Variants in ZNF398 observed in about 807,000 individuals in gnomAD.
ZNF398 encodes the protein zinc finger DNA binding protein ZER6.
Under a neutral mutation model 41.9 loss-of-function variants are expected in ZNF398, and 18 were observed. The observed-to-expected ratio is 0.43, with a 90% CI of 0.30 to 0.64. The LOEUF (loss-of-function observed/expected upper bound fraction) is 0.64, where lower values mean the gene tolerates loss of function less well. ZNF398 is among the 30% of genes least tolerant of loss of function. ZNF398 has a pLI of 0.14. For synonymous variants in ZNF398, 260 were observed against 308.8 expected (o/e 0.84, Z 1.66); for missense variants, 669 against 822.8 (o/e 0.81, Z 2.29).
rs1202396383 is a variant in ZNF398, at chr7:149,154,195, T to TG, written c.277dup (p.Glu93GlyfsTer43). 1 of 1,614,054 alleles carries TG rather than the reference T, an allele frequency of 6.2e-7. No individual in the cohort carries two copies. Among genetic ancestry groups the TG allele is most frequent in the East Asian group, 2.2e-5 (1 of 44,896 alleles). On this transcript the variant is annotated frameshift_variant, in exon 2 of 6. Coordinates refer to ENST00000475153, the MANE Select transcript of ZNF398 (RefSeq NM_170686.3). LOFTEE classifies it high-confidence loss of function. Reference sequence around the variant, plus strand: ...ACAGTTACCGAGCTTGGGAACCAGCTGGAGGGCAAGTGGGCCGTGCTGGGA... The same window carrying TG: ...ACAGTTACCGAGCTTGGGAACCAGCTGGGAGGGCAAGTGGGCCGTGCTGGGA...
chr7:149,148,028 T>C (rs1827002175), intron 1 of ZNF398: 2 of 375,578 alleles, frequency 5.3e-6, no homozygotes, highest in Non-Finnish European at 9.4e-6. Context: ...GGCCCTGCAG[T>C]TGGGTTGAAG....
At chr7:149,151,864 G>GT (rs1827124990) in intron 1 of ZNF398, among the ~76,000 whole-genome samples, 1 of 149,264 alleles carries the variant, frequency 6.7e-6, no homozygotes, top group Non-Finnish European at 1.5e-5. Context: ...TTGGCTCACT[G>GT]TAACCTCTGC....
At chr7:149,159,444 G>A (rs189756360) in intron 2 of ZNF398, among the ~76,000 whole-genome samples, 99 of 151,656 alleles carry the variant, frequency 6.5e-4, no homozygotes, top group African/African-American at 2.1e-3. Context: ...TCAAGAGATC[G>A]AGACCATCTG....
At chr7:149,131,549 G>A (rs1303822557) in intron 2 of ZNF398, among the ~76,000 whole-genome samples, 2 of 152,138 alleles carry the variant, frequency 1.3e-5, no homozygotes, top group Non-Finnish European at 1.5e-5. Context: ...AGCTGGGTGT[G>A]GTGGCGGACG....
intron 2 of ZNF398, among the ~76,000 whole-genome samples, chr7:149,164,958 G>A (rs1261686606): frequency 6.6e-6 from 1 of 152,008 alleles, no homozygotes; most frequent in Admixed American, 6.6e-5. Flanking sequence ...GCGGTGTGTG[G>A]TGGCGGGTGC....
In ZNF398 at chr7:149,181,960, C is replaced by T. The variant is rs1795602609; in HGVS notation, c.*2159C>T. 1 of 152,192 alleles carries T rather than the reference C, an allele frequency of 6.6e-6. No homozygotes were observed. Among genetic ancestry groups the T allele is most frequent in the Non-Finnish European group, 1.5e-5 (1 of 68,032 alleles). The allele number at this position is 152,192 out of a possible 1,614,324, so 9.4% of individuals were successfully genotyped here. The stretch of plus-strand genomic sequence containing the variant: ...AAAGGGAGAAGAGCCAAAGTATTGT[C>T]TAGGTGCTGAGTTCCCTTTTCTGAG... On this transcript the variant is annotated 3_prime_UTR_variant, in exon 6 of 6. Transcript: ENST00000475153.
chr7:149,147,797 C>T lies in ZNF398; in HGVS notation c.24+31C>T. The stretch of plus-strand genomic sequence containing the variant: ...GGCGGCCGCGCGCGAGTGTTGTGAG[C>T]CCCCGAGACCCAGACCCCGAGGGAG... On this transcript the variant is annotated intron_variant, in intron 1 of 5. Coordinates refer to ENST00000475153, the MANE Select transcript of ZNF398 (RefSeq NM_170686.3). This position sits in a 1 kb window ranked among gnomAD's most constrained non-coding sequence, Gnocchi z 5.6. The T allele has an allele frequency of 5.1e-6, 7 of 1,371,032 alleles. No individual in the cohort carries two copies. The highest frequency in any genetic ancestry group is 1.7e-5 in the South Asian group (1 of 59,262). The allele number at this position is 1,371,032 out of a possible 1,614,324, so 84.9% of individuals were successfully genotyped here.
intron 4 of ZNF398, among the ~76,000 whole-genome samples, chr7:149,174,182 CAA>C (rs1310015621): frequency 6.6e-6 from 1 of 152,140 alleles, no homozygotes; most frequent in Non-Finnish European, 1.5e-5. Flanking sequence ...CAGCCTGTAA[CAA>C]GAGAGTCAGC....
At chr7:149,159,602 C>G (rs1012780682) in intron 2 of ZNF398, among the ~76,000 whole-genome samples, 1 of 151,710 alleles carries the variant, frequency 6.6e-6, no homozygotes, top group Non-Finnish European at 1.5e-5. Context: ...GAGCTGAGAT[C>G]GCACCACTGC....
At chr7:149,150,964 C>T (rs1827096080) in intron 1 of ZNF398, among the ~76,000 whole-genome samples, 1 of 152,196 alleles carries the variant, frequency 6.6e-6, no homozygotes, top group Non-Finnish European at 1.5e-5. Flanking sequence ...CCTGTCTCAG[C>T]CTTGCAAAGT....
chr7:149,133,176 C>A (rs1161825493), intron 2 of ZNF398, among the ~76,000 whole-genome samples: 1 of 151,252 alleles, frequency 6.6e-6, no homozygotes, highest in African/African-American at 2.4e-5. Context: ...AGTGCAGTGG[C>A]ACAATCTTGG....
upstream of ZNF398, among the ~76,000 whole-genome samples, chr7:149,143,443 A>G (rs1826867719): frequency 1.3e-5 from 2 of 152,192 alleles, no homozygotes; most frequent in African/African-American, 4.8e-5. Context: ...ATTCTGTGCA[A>G]AGGAAGATGC....
intron 4 of ZNF398, among the ~76,000 whole-genome samples, chr7:149,176,251 C>T (rs766013759): frequency 4.0e-5 from 6 of 151,714 alleles, no homozygotes; most frequent in African/African-American, 7.3e-5. Context: ...GCTGAGGCAG[C>T]GGGGAGAATG....
chr7:149,127,633 C>G (rs1444859920), intron 1 of ZNF398, among the ~76,000 whole-genome samples: 1 of 150,160 alleles, frequency 6.7e-6, no homozygotes, highest in Non-Finnish European at 1.5e-5. Flanking sequence ...GGGAGAGTGG[C>G]GTGAACCCGG....
In ZNF398 at chr7:149,179,371, G is replaced by T. The variant is rs368828173; in HGVS notation, c.1499G>T (p.Arg500Leu). The change falls in exon 6 of 6, where the codon CGC becomes CTC. Residue 500 changes from arginine (R) to leucine (L), a missense_variant. Physicochemically the swap from Arg to Leu is moderately radical, Grantham distance 102 (BLOSUM62 -2). Around this residue, in one of 3 missense-constraint regions of ZNF398, gnomAD observed 210 missense variants for 290.4 expected, o/e 0.72. Transcript: ENST00000475153. This position sits in a 1 kb window ranked among gnomAD's most constrained non-coding sequence, Gnocchi z 6.1. ...IDFNGHSALI[R>L]HQMIHTGERP... The stretch of plus-strand genomic sequence containing the variant: ...TTCAACGGCCACTCGGCCCTGATCC[G>T]CCACCAGATGATCCACACAGGCGAG... The T allele has an allele frequency of 1.2e-6, 2 of 1,612,414 alleles. No individual in the cohort carries two copies. Among genetic ancestry groups the T allele is most frequent in the African/African-American group, 2.7e-5 (2 of 74,586 alleles).
At chr7:149,174,148 C>T (rs1456353546) in intron 4 of ZNF398, among the ~76,000 whole-genome samples, 1 of 151,988 alleles carries the variant, frequency 6.6e-6, no homozygotes, top group East Asian at 1.9e-4. Context: ...AAAATGAACA[C>T]CGGGTTCAAG....
Position 149,147,680 on chromosome 7 carries a change from G to A in ZNF398, c.-63G>A, listed in dbSNP as rs1291609276. On this transcript the variant is annotated 5_prime_UTR_variant, in exon 1 of 6. Transcript: ENST00000475153. This position sits in a 1 kb window ranked among gnomAD's most constrained non-coding sequence, Gnocchi z 5.6. Reference sequence around the variant, plus strand: ...CGGCGGCCGGGCCTGCTTGGAGCCGGGCGCGGTGGCAGCGGCGGCAGCGGC... The same window carrying A: ...CGGCGGCCGGGCCTGCTTGGAGCCGAGCGCGGTGGCAGCGGCGGCAGCGGC... 2.4e-6 allele frequency: 3 copies of A among 1,273,394 alleles called. No homozygotes were observed. Among genetic ancestry groups the A allele is most frequent in the African/African-American group, 1.6e-5 (1 of 64,224 alleles). 78.9% of individuals were successfully genotyped at this position (1,273,394 alleles called of 1,614,324 possible).
intron 1 of ZNF398, among the ~76,000 whole-genome samples, chr7:149,150,936 C>G (rs2129520211): frequency 6.6e-6 from 1 of 152,292 alleles, no homozygotes; most frequent in Non-Finnish European, 1.5e-5. Context: ...TCTCAAACTC[C>G]TGACCTCAGG....
At chr7:149,135,406 A>G (rs1300956984) in intron 2 of ZNF398, among the ~76,000 whole-genome samples, 1 of 150,000 alleles carries the variant, frequency 6.7e-6, no homozygotes, top group African/African-American at 2.4e-5. Context: ...AAAAAAAAAA[A>G]AAAAAGAAAG....
Sources: allele counts gnomAD v4.1 joint callset (sites outside exome capture counted in the v4.1 genomes callset), GRCh38; gene constraint gnomAD v4.1.1; regional missense constraint gnomAD v4.1.1; non-coding constraint Gnocchi (gnomAD v3.1); transcripts MANE v1.5; gene names NCBI Gene and HGNC (gene_info 2026-07-23, HGNC 2026-07-21).